TMC1: variants seen among roughly 807,000 people sequenced by gnomAD.
The protein encoded by TMC1 is transmembrane channel-like protein 1.
Under a neutral mutation model 105.8 loss-of-function variants are expected in TMC1, and 84 were observed. The ratio of observed to expected loss-of-function variants is 0.79; its 90% CI spans 0.67 to 0.95. TMC1 has a LOEUF of 0.95. Ranked by LOEUF, TMC1 falls within the 40% of genes least tolerant of loss-of-function variation. The pLI, the probability that TMC1 is intolerant of heterozygous loss-of-function variation, is 0.00. For missense variants in TMC1, 817 were observed against 914.1 expected (o/e 0.89, Z 1.37); for synonymous variants, 315 against 311.5 (o/e 1.01, Z -0.12).
At chr9:72,715,553 C>T (rs551943445) in intron 8 of TMC1, among the ~76,000 whole-genome samples, 12 of 151,986 alleles carry the variant, frequency 7.9e-5, no homozygotes, top group Admixed American at 4.6e-4. Flanking sequence ...TTGATCGATT[C>T]GGCTATTCAT....
chr9:72,560,370 T>A (rs1299538499), intron 1 of TMC1, among the ~76,000 whole-genome samples: 1 of 152,212 alleles, frequency 6.6e-6, no homozygotes, highest in Non-Finnish European at 1.5e-5. Context: ...CCTTATCTAA[T>A]TTTGATCAGA....
chr9:72,821,173 CCAAA>C, intron 20 of TMC1, 92 bp downstream of exon 20: 3 of 1,581,346 alleles, frequency 1.9e-6, no homozygotes, highest in Admixed American at 1.7e-5. Context: ...TTTTTTCCCC[CCAAA>C]CAATGACATT....
intron 12 of TMC1, among the ~76,000 whole-genome samples, chr9:72,769,095 T>TTCCC (rs1235531990): frequency 6.6e-6 from 1 of 152,166 alleles, no homozygotes; most frequent in African/African-American, 2.4e-5. Flanking sequence ...AGTGCAGTGG[T>TTCCC]TAAGCATATA....
intron 17 of TMC1, among the ~76,000 whole-genome samples, chr9:72,797,857 A>T (rs192665514): frequency 6.6e-6 from 1 of 152,314 alleles, no homozygotes; most frequent in African/African-American, 2.4e-5. Flanking sequence ...TGAAAGCAAA[A>T]ATTAACAAAT....
intron 1 of TMC1, among the ~76,000 whole-genome samples, chr9:72,564,325 CTT>C (rs1466700656): frequency 6.6e-6 from 1 of 152,152 alleles, no homozygotes; most frequent in Non-Finnish European, 1.5e-5. Context: ...AGCAAACAAA[CTT>C]TATCCTGAAC....
At chr9:72,669,103 C>T (rs1454033062) in intron 5 of TMC1, among the ~76,000 whole-genome samples, 1 of 152,122 alleles carries the variant, frequency 6.6e-6, no homozygotes, top group African/African-American at 2.4e-5. Flanking sequence ...GTCAGGAGTT[C>T]AAGACCAGCC....
rs550764387 is a variant in TMC1 at position 72,753,364 on chromosome 9, C to T, written c.642+1408C>T. 3.8e-5 allele frequency among the ~76,000 whole-genome samples: 5 copies of T among 132,906 alleles called. No individual in the cohort carries two copies. In the South Asian group the frequency reaches 9.8e-4, roughly 26 times the overall value. The allele number at this position is 132,906 out of a possible 152,430, so 87.2% of individuals were successfully genotyped here. ...TCCATTCCATCACTGGCTACTATGA[C>T]GTTACTTAGTGTCAGATGCAGGTAT... On this transcript the variant is annotated intron_variant, in intron 11 of 23. Transcript: ENST00000297784.
chr9:72,589,350 A>G (rs996133230), intron 2 of TMC1, among the ~76,000 whole-genome samples: 32 of 152,250 alleles, frequency 2.1e-4, no homozygotes, highest in African/African-American at 7.7e-4. Context: ...TATTAATACA[A>G]TCTGGGTTTG....
intron 15 of TMC1, 79 bp from the exon 16 acceptor site, chr9:72,791,806 GA>G: frequency 8.0e-7 from 1 of 1,247,018 alleles, no homozygotes; most frequent in Non-Finnish European, 1.2e-6. Context: ...GCCTAGCTCA[GA>G]ATCTTCCAAA....
At chr9:72,656,320 G>A (rs1430306186) in intron 5 of TMC1, 5 of 194,618 alleles carry the variant, frequency 2.6e-5, no homozygotes, top group Non-Finnish European at 5.3e-5. Flanking sequence ...GGTGTTTCAT[G>A]TTTTAAAATC....
intron 2 of TMC1, among the ~76,000 whole-genome samples, chr9:72,607,185 A>T (rs1410479451): frequency 6.6e-6 from 1 of 152,190 alleles, no homozygotes; most frequent in Admixed American, 6.5e-5. Flanking sequence ...TAAGGAATTT[A>T]CAATGGAGTT....
At chr9:72,766,655 A>G (rs1447975017) in intron 12 of TMC1, among the ~76,000 whole-genome samples, 1 of 152,050 alleles carries the variant, frequency 6.6e-6, no homozygotes, top group Non-Finnish European at 1.5e-5. Context: ...TGGATACCCA[A>G]AGGAACTGCC....
chr9:72,625,041 A>G (rs1391100505), intron 3 of TMC1, among the ~76,000 whole-genome samples: 1 of 152,220 alleles, frequency 6.6e-6, no homozygotes. Context: ...AACATGTCTG[A>G]AAATTCTTTG....
At chr9:72,627,246 G>A (rs1825363474) in intron 3 of TMC1, among the ~76,000 whole-genome samples, 1 of 152,046 alleles carries the variant, frequency 6.6e-6, no homozygotes, top group Non-Finnish European at 1.5e-5. Context: ...CTGCCAGAGC[G>A]GTCTGGGGAG....
At chr9:72,601,195 GACACACACACAC>G (rs71357599) in intron 2 of TMC1, among the ~76,000 whole-genome samples, 9 of 93,626 alleles carry the variant, frequency 9.6e-5, no homozygotes, top group African/African-American at 2.9e-4. Context: ...CACACACACA[GACACACACACAC>G]ACACACACAC....
chr9:72,805,341 A>G, intron 17 of TMC1, 41 bp from the exon 18 acceptor site: 1 of 1,610,170 alleles, frequency 6.2e-7, no homozygotes, highest in South Asian at 1.1e-5. Flanking sequence ...GACCATTTGA[A>G]GACAGAACTG....
chr9:72,612,422 C>T (rs1825044806), intron 2 of TMC1, among the ~76,000 whole-genome samples: 2 of 152,072 alleles, frequency 1.3e-5, no homozygotes, highest in African/African-American at 4.8e-5. Flanking sequence ...AATCCTCCCA[C>T]CTTGGCCCCC....
At chr9:72,655,071 G>T (rs1309704835) in intron 5 of TMC1, among the ~76,000 whole-genome samples, 3 of 152,166 alleles carry the variant, frequency 2.0e-5, no homozygotes, top group African/African-American at 7.2e-5. Context: ...ATTGGATCAT[G>T]AGGGCCGTTC....
chr9:72,783,147 A>C (rs1828119183), intron 13 of TMC1, among the ~76,000 whole-genome samples: 1 of 152,044 alleles, frequency 6.6e-6, no homozygotes, highest in African/African-American at 2.4e-5. Flanking sequence ...GACAGAACTA[A>C]TAGGAGATAT....
Sources: gnomAD v4.1 joint callset for allele counts (sites outside exome capture counted in the v4.1 genomes callset) on GRCh38, gnomAD v4.1.1 for gene constraint, MANE v1.5 for transcripts, NCBI Gene and HGNC (gene_info 2026-07-23, HGNC 2026-07-21) for gene names.